ZHX2: variants seen among roughly 807,000 people sequenced by gnomAD.
The protein encoded by ZHX2 is zinc fingers and homeoboxes 2.
Under a neutral mutation model 21.9 loss-of-function variants are expected in ZHX2, and 6 were observed. That is an observed-to-expected ratio of 0.27 (90% confidence interval 0.15 to 0.54). The LOEUF (loss-of-function observed/expected upper bound fraction) is 0.54, where lower values mean the gene tolerates loss of function less well. Ranked by LOEUF, ZHX2 falls within the 20% of genes least tolerant of loss-of-function variation. The probability of loss-of-function intolerance (pLI) is 0.95; values close to 1 mark genes in which losing one functional copy is unlikely to be tolerated. For missense variants in ZHX2, 908 were observed against 1,090.7 expected (o/e 0.83, Z 2.36); for synonymous variants, 434 against 437.1 (o/e 0.99, Z 0.09).
intron 3 of ZHX2, among the ~76,000 whole-genome samples, chr8:122,960,377 C>T (rs968600678): frequency 2.6e-5 from 4 of 151,856 alleles, no homozygotes; most frequent in Non-Finnish European, 5.9e-5. Flanking sequence ...GTCTCTACTA[C>T]AAATACAAAA....
chr8:122,858,104 G>A (rs552452033), intron 1 of ZHX2, among the ~76,000 whole-genome samples: 3 of 152,178 alleles, frequency 2.0e-5, no homozygotes, highest in Non-Finnish European at 4.4e-5. Context: ...CACGGAAGCC[G>A]CTTGTAGCTT....
intron 2 of ZHX2, among the ~76,000 whole-genome samples, chr8:122,938,124 A>G (rs937273367): frequency 6.7e-6 from 1 of 149,426 alleles, no homozygotes; most frequent in African/African-American, 2.5e-5. Flanking sequence ...TAGTAGAGAC[A>G]GGGTTTCATC....
chr8:122,864,829 G>A (rs1199523420), intron 2 of ZHX2, among the ~76,000 whole-genome samples: 2 of 152,202 alleles, frequency 1.3e-5, no homozygotes, highest in South Asian at 2.1e-4. Context: ...ACGCAGGAGG[G>A]ACACCCATTG....
intron 1 of ZHX2, among the ~76,000 whole-genome samples, chr8:122,840,045 C>T (rs1818592389): frequency 6.6e-6 from 1 of 152,122 alleles, no homozygotes; most frequent in Non-Finnish European, 1.5e-5. Context: ...GTACATGGGG[C>T]CACTGGACTA....
intron 2 of ZHX2, among the ~76,000 whole-genome samples, chr8:122,945,644 C>T (rs1425838980): frequency 6.6e-6 from 1 of 152,096 alleles, no homozygotes; most frequent in South Asian, 2.1e-4. Flanking sequence ...GTAACATGCA[C>T]TTGTCACACT....
At chr8:122,800,628 G>A (rs569866600) in intron 1 of ZHX2, among the ~76,000 whole-genome samples, 1 of 152,310 alleles carries the variant, frequency 6.6e-6, no homozygotes, top group East Asian at 1.9e-4. Context: ...ATTTGTCCTG[G>A]CAACTGATGA....
chr8:122,961,657 G>A (rs1365672718), intron 3 of ZHX2, among the ~76,000 whole-genome samples: 2 of 152,110 alleles, frequency 1.3e-5, no homozygotes, highest in African/African-American at 4.8e-5. Context: ...TGAGGAAAGA[G>A]GGAAGAGCCC....
At chr8:122,831,723 T>G (rs150160116) in intron 1 of ZHX2, among the ~76,000 whole-genome samples, 3,862 of 152,308 alleles carry the variant, frequency 0.025, 148 homozygotes, top group African/African-American at 0.088. Context: ...CTGGCAGCTT[T>G]AAGGAGCTTG....
intron 2 of ZHX2, among the ~76,000 whole-genome samples, chr8:122,939,535 T>G (rs938948783): frequency 2.6e-5 from 4 of 152,068 alleles, no homozygotes; most frequent in Admixed American, 1.3e-4. Flanking sequence ...AACCCATGAG[T>G]GCTGAGCTGG....
At chr8:122,851,927 G>T (rs1818911239) in intron 1 of ZHX2, among the ~76,000 whole-genome samples, 1 of 152,226 alleles carries the variant, frequency 6.6e-6, no homozygotes, top group Non-Finnish European at 1.5e-5. Context: ...GAAACGCATT[G>T]CGTGAAAGTA....
At chr8:122,803,725 C>A (rs1047143202) in intron 1 of ZHX2, among the ~76,000 whole-genome samples, 8 of 152,328 alleles carry the variant, frequency 5.3e-5, no homozygotes, top group Non-Finnish European at 1.0e-4. Flanking sequence ...CTGAAATGGT[C>A]GTGTTTTTTT....
At chr8:122,925,736 G>A (rs1375425739) in intron 2 of ZHX2, among the ~76,000 whole-genome samples, 1 of 152,218 alleles carries the variant, frequency 6.6e-6, no homozygotes, top group Non-Finnish European at 1.5e-5. Flanking sequence ...CACACACTGG[G>A]TGAATCAGAA....
At chr8:122,903,791 A>T (rs1408263902) in intron 2 of ZHX2, among the ~76,000 whole-genome samples, 5 of 152,196 alleles carry the variant, frequency 3.3e-5, no homozygotes, top group Non-Finnish European at 7.3e-5. Flanking sequence ...AGATAGATGT[A>T]TACAGGGATA....
chr8:122,948,021 A>G (rs146468945), intron 2 of ZHX2, among the ~76,000 whole-genome samples: 189 of 152,168 alleles, frequency 1.2e-3, no homozygotes, highest in Middle Eastern at 6.8e-3. Context: ...TCTCCACCCC[A>G]CTGCTGATGA....
chr8:122,896,706 G>A (rs1189113832), intron 2 of ZHX2, among the ~76,000 whole-genome samples: 3 of 152,190 alleles, frequency 2.0e-5, no homozygotes, highest in Admixed American at 1.3e-4. Context: ...ATAGCCACCT[G>A]TCTGGCTCTG....
chr8:122,854,828 G>A (rs1431245386), intron 1 of ZHX2, among the ~76,000 whole-genome samples: 1 of 152,120 alleles, frequency 6.6e-6, no homozygotes, highest in Non-Finnish European at 1.5e-5. Flanking sequence ...CCATGACACT[G>A]TATAGTCCCC....
intron 2 of ZHX2, among the ~76,000 whole-genome samples, chr8:122,943,424 C>T (rs1812894789): frequency 1.3e-5 from 2 of 152,192 alleles, no homozygotes; most frequent in South Asian, 4.1e-4. Flanking sequence ...GCTCCTTAAC[C>T]TCTCTGAGCC....
intron 1 of ZHX2, among the ~76,000 whole-genome samples, chr8:122,805,432 C>G (rs748086837): frequency 4.6e-5 from 7 of 152,152 alleles, no homozygotes; most frequent in Non-Finnish European, 8.8e-5. Context: ...CCCACCCCAG[C>G]AAGGAAACAC....
rs796482931 is a variant in ZHX2, at chr8:122,802,188, C to T, written c.-283+20242C>T. Among the ~76,000 whole-genome samples the T allele has an allele frequency of 3.9e-5, 6 of 152,256 alleles. 1 individual carries two copies. The highest frequency in any genetic ancestry group is 1.2e-4 in the African/African-American group (5 of 41,554). ...CAGCGATTTTCCTGCCTCAGCCTCC[C>T]GAGTAGCTGGGATTACAGGTGTGTA... On this transcript the variant is annotated intron_variant, in intron 1 of 3. Coordinates refer to ENST00000314393, the MANE Select transcript of ZHX2 (RefSeq NM_014943.5).
Sources: gnomAD v4.1 joint callset for allele counts (sites outside exome capture counted in the v4.1 genomes callset) on GRCh38, gnomAD v4.1.1 for gene constraint, MANE v1.5 for transcripts, NCBI Gene and HGNC (gene_info 2026-07-23, HGNC 2026-07-21) for gene names.